The following TTN variants were observed in gnomAD, a reference collection of about 807,000 sequenced individuals.
The protein encoded by TTN is connectin.
TTN carries 1,525 observed loss-of-function variants against 3,223.0 expected under a neutral mutation model. The ratio of observed to expected loss-of-function variants is 0.47; its 90% CI spans 0.45 to 0.49. TTN has a LOEUF of 0.49. Among genes scored for constraint, TTN ranks in the 20% least tolerant of loss-of-function variants. TTN has a pLI of 0.00. For synonymous variants in TTN, 14,094 were observed against 15,161.0 expected (o/e 0.93, Z 5.17); for missense variants, 40,786 against 43,424.0 (o/e 0.94, Z 5.40).
chr2:178,718,448 T>C lies in TTN; in HGVS notation c.24658A>G (p.Thr8220Ala), dbSNP rs763026119. 2.5e-6 allele frequency: 4 copies of C among 1,613,800 alleles called. No homozygotes were observed. In the South Asian group the frequency reaches 4.4e-5, roughly 18 times the overall value. Residue 8220 changes from threonine (T) to alanine (A), a missense_variant, in exon 85 of 363, where the codon ACT (threonine) becomes GCT (alanine). Coordinates refer to ENST00000589042, the MANE Select transcript of TTN (RefSeq NM_001267550.2). ...AGTATGGTAGATTTTTCTGTCATAG[T>C]AATACTGCATCTCTCAGATTGTGAA... ...LISQSERCSI[T>A]MTEKSTILEI... is the part of the protein sequence containing the mutation.
In TTN at chr2:178,553,332, A is replaced by T; in HGVS notation, c.89568T>A (p.Asp29856Glu). 1 of 1,603,960 alleles carries T rather than the reference A, an allele frequency of 6.2e-7. No homozygotes were observed. Among genetic ancestry groups the T allele is most frequent in the Non-Finnish European group, 8.5e-7 (1 of 1,177,966 alleles). The stretch of plus-strand genomic sequence containing the variant: ...CTTTAAAGGGAATCAACACTTGTAC[A>T]TCTTCACCAGCTTTGGCAATAACAG... ...RTSVIAKAGE[D>E]VQVLIPFKGR... The change falls in exon 335 of 363, where the codon GAT (aspartate) becomes GAA (glutamate). Residue 29856 changes from aspartate (D) to glutamate (E), a missense_variant. Transcript: ENST00000589042.
rs1391423638 is a variant in TTN, at chr2:178,741,791, T to A, written c.11442A>T (p.Glu3814Asp). The A allele has an allele frequency of 1.9e-6, 3 of 1,613,306 alleles. No homozygotes were observed. The highest frequency in any genetic ancestry group is 2.5e-6 in the Non-Finnish European group (3 of 1,179,670). ...SPVYPTKFDS[E>D]KEGTGPIFIK... ...TGAAAATTGGGCCAGTGCCTTCCTT[T>A]TCGGAATCAAATTTAGTTGGGTAAA... Residue 3814 changes from glutamate (E) to aspartate (D), a missense_variant, in exon 48 of 363, where the codon GAA becomes GAT. Glu to Asp is a conservative substitution (Grantham distance 45). Transcript: ENST00000589042.
At chr2:178,737,548 C>T (rs1313469580) in intron 49 of TTN, 1 of 152,322 alleles carries the variant, frequency 6.6e-6, no homozygotes, top group Non-Finnish European at 1.5e-5. Flanking sequence ...GATCCGCCTG[C>T]CTTGGCCTCC....
chr2:178,609,825 G>A lies in TTN; in HGVS notation c.51598C>T (p.His17200Tyr), dbSNP rs2055879782. The A allele has an allele frequency of 1.2e-6, 2 of 1,612,796 alleles. No homozygotes were observed. Among genetic ancestry groups the A allele is most frequent in the Middle Eastern group, 1.6e-4 (1 of 6,076 alleles). ...GTATAGGTCAGGATTGGTACCAGGTGTTCATTGCATCTCTTCCACCTTTCT... is the reference window on the plus strand; with the variant it reads ...GTATAGGTCAGGATTGGTACCAGGTATTCATTGCATCTCTTCCACCTTTCT... ...GEERWKRCNE[H>Y]LVPILTYTAK... The change falls in exon 272 of 363, where the codon CAC becomes TAC. Residue 17200 changes from histidine (H) to tyrosine (Y), a missense_variant. By Grantham distance (83) the His-to-Tyr change is moderately conservative. Coordinates refer to ENST00000589042, the MANE Select transcript of TTN (RefSeq NM_001267550.2).
chr2:178,533,866 G>A lies in TTN; in HGVS notation c.102749C>T (p.Thr34250Ile). The A allele has an allele frequency of 6.2e-7, 1 of 1,613,886 alleles. No individual in the cohort carries two copies. Among genetic ancestry groups the A allele is most frequent in the Non-Finnish European group, 8.5e-7 (1 of 1,179,858 alleles). ...TMKKIKRRTD[T>I]MRLLERPPEF... ...TGGTGGCCTTTCCAGGAGTCTCATT[G>A]TGTCTGTTCTGCGCTTAATTTTCTT... The change falls in exon 358 of 363, where the codon ACA (threonine) becomes ATA (isoleucine). Residue 34250 changes from threonine to isoleucine, a missense_variant. Physicochemically the swap from Thr to Ile is moderately conservative, Grantham distance 89. Coordinates refer to ENST00000589042, the MANE Select transcript of TTN (RefSeq NM_001267550.2).
intron 250 of TTN, 171 bp downstream of exon 250, chr2:178,619,450 C>T: frequency 1.4e-6 from 1 of 719,906 alleles, no homozygotes; most frequent in Non-Finnish European, 2.2e-6. Context: ...TATTAATTTC[C>T]TCTTACTCAA....
At position 178,694,820 on chromosome 2, in the gene TTN, A is replaced by C. The variant is rs1163916390; in HGVS notation, c.31348+9T>G. 1.3e-6 allele frequency: 2 copies of C among 1,553,308 alleles called. No homozygotes were observed. On this transcript the variant is annotated intron_variant, in intron 116 of 362. Coordinates refer to ENST00000589042, the MANE Select transcript of TTN (RefSeq NM_001267550.2). ...TGTACATGGGTGCTAGGAATGTTTTAAATAATACCTTTGGTGACTTGAACT... is the reference window on the plus strand; with the variant it reads ...TGTACATGGGTGCTAGGAATGTTTTCAATAATACCTTTGGTGACTTGAACT...
At chr2:178,674,531 A>T (rs980913016) in intron 150 of TTN, 122 bp from the exon 151 acceptor site, 3 of 510,100 alleles carry the variant, frequency 5.9e-6, no homozygotes, top group African/African-American at 4.0e-5. Context: ...TAGTCCTTAA[A>T]AAATCTCTAC....
At position 178,573,280 on chromosome 2, in the gene TTN, C is replaced by A. The variant is rs374272187; in HGVS notation, c.72852G>T (p.Val24284=). The A allele has an allele frequency of 6.3e-7, 1 of 1,595,916 alleles. No homozygotes were observed. Among genetic ancestry groups the A allele is most frequent in the Non-Finnish European group, 8.5e-7 (1 of 1,171,284 alleles). The part of the protein sequence containing the change: ...KKTLTDLRYK[V]SGLTEGHEYE... ...ATTCATGTCCTTCTGTCAGTCCAGA[C>A]ACTTTATATCTTAAATCAGTAAGAG... Residue 24284 remains valine (V), a synonymous_variant, in exon 326 of 363, where the codon GTG becomes GTT. Coordinates refer to ENST00000589042, the MANE Select transcript of TTN (RefSeq NM_001267550.2).
At position 178,543,559 on chromosome 2, in the gene TTN, G is replaced by T. The variant is rs933403975; in HGVS notation, c.96414C>A (p.Asn32138Lys). ...CTTCACGCTTCTCAACGATGTAATT[G>T]TTGACTGGAGCTCCACCATCAATCG... ...IPTIDGGAPVNNYIVEKREAA... is the reference protein window; with the variant it reads ...IPTIDGGAPVKNYIVEKREAA... The change falls in exon 347 of 363, where the codon AAC becomes AAA. Residue 32138 changes from asparagine to lysine, a missense_variant. Physicochemically the swap from Asn to Lys is moderately conservative, Grantham distance 94. Transcript: ENST00000589042. The T allele has an allele frequency of 3.7e-6, 6 of 1,611,148 alleles. No homozygotes were observed. The highest frequency in any genetic ancestry group is 5.1e-6 in the Non-Finnish European group (6 of 1,179,722).
Position 178,577,624 on chromosome 2 carries a change from G to A in TTN, c.68802C>T (p.Thr22934=), listed in dbSNP as rs767646059. The change falls in exon 323 of 363, where the codon ACC becomes ACT. Residue 22934 remains threonine, a synonymous_variant. Coordinates refer to ENST00000589042, the MANE Select transcript of TTN (RefSeq NM_001267550.2). ...TACCGTATTCATCCTTGCAAATAAT[G>A]GTTTCTGTACTTTCTGATGGAGCAC... ...AISAPSESTE[T]IICKDEYEAP... The A allele has an allele frequency of 3.1e-6, 5 of 1,607,620 alleles. No individual in the cohort carries two copies. The Admixed American group carries it at 6.8e-5, about 22-fold the overall frequency.
In TTN at chr2:178,738,151, C is replaced by T. The variant is rs727503652; in HGVS notation, c.14302G>A (p.Gly4768Ser). 87 of 1,613,674 alleles carry T rather than the reference C, an allele frequency of 5.4e-5. No individual in the cohort carries two copies. The highest frequency in any genetic ancestry group is 8.9e-5 in the East Asian group (4 of 44,858). The change falls in exon 49 of 363, where the codon GGC (glycine) becomes AGC (serine). Residue 4768 changes from glycine (G) to serine (S), a missense_variant. Coordinates refer to ENST00000589042, the MANE Select transcript of TTN (RefSeq NM_001267550.2). ...TTGGAAGCTTTGCATGTATACTCGCCGCAGTCAACCACCTGGGTTCTCAGG... is the reference window on the plus strand; with the variant it reads ...TTGGAAGCTTTGCATGTATACTCGCTGCAGTCAACCACCTGGGTTCTCAGG... ...EILRTQVVDC[G>S]EYTCKASNEY...
chr2:178,769,579 A>G, intron 37 of TTN, 100 bp downstream of exon 37: 1 of 1,065,224 alleles, frequency 9.4e-7, no homozygotes, highest in Non-Finnish European at 1.2e-6. Context: ...AGGATTTTTG[A>G]GTGGTCAGCA....
chr2:178,666,702 G>T (rs1410446374), intron 163 of TTN, 122 bp downstream of exon 163: 9 of 747,206 alleles, frequency 1.2e-5, no homozygotes, highest in Non-Finnish European at 1.8e-5. Context: ...CTACTTGGGG[G>T]ATCCATCTCT....
Position 178,672,675 on chromosome 2 carries a change from T to A in TTN, c.34815A>T (p.Val11605=). 1 of 1,608,990 alleles carries A rather than the reference T, an allele frequency of 6.2e-7. No individual in the cohort carries two copies. Among genetic ancestry groups the A allele is most frequent in the Non-Finnish European group, 8.5e-7 (1 of 1,177,212 alleles). Reference sequence around the variant, plus strand: ...CCTCTTTTTTCTGAACAGGAACAGGTACTTTTTCCTCAGGAATTTTCTTTG... The same window carrying A: ...CCTCTTTTTTCTGAACAGGAACAGGAACTTTTTCCTCAGGAATTTTCTTTG... The part of the protein sequence containing the change: ...KVSKKIPEEK[V]PVPVQKKEAP... The change falls in exon 153 of 363, where the codon GTA becomes GTT. Residue 11605 remains valine (V), a synonymous_variant. Coordinates refer to ENST00000589042, the MANE Select transcript of TTN (RefSeq NM_001267550.2).
intron 273 of TTN, 65 bp downstream of exon 273, chr2:178,609,143 A>G: frequency 4.2e-6 from 6 of 1,427,988 alleles, no homozygotes; most frequent in Non-Finnish European, 3.6e-6. Context: ...CTCTCTCCCA[A>G]ACTTTTTATT....
Position 178,571,749 on chromosome 2 carries a change from C to T in TTN, c.74383G>A (p.Gly24795Ser). The T allele has an allele frequency of 6.2e-7, 1 of 1,613,410 alleles. No homozygotes were observed. The highest frequency in any genetic ancestry group is 1.3e-5 in the African/African-American group (1 of 75,006). The stretch of plus-strand genomic sequence containing the variant: ...ACATTAAGGGTTTCAATAGCTTCAC[C>T]AGCTGAGTTAGTCAGTTTAACCACA... ...HYVVKLTNSA[G>S]EAIETLNVIV... Residue 24795 changes from glycine to serine, a missense_variant, in exon 326 of 363, where the codon GGT becomes AGT. By Grantham distance (56) the Gly-to-Ser change is moderately conservative. Transcript: ENST00000589042.
In TTN at chr2:178,770,619, C is replaced by T; in HGVS notation, c.8173G>A (p.Val2725Ile). Residue 2725 changes from valine (V) to isoleucine (I), a missense_variant, in exon 35 of 363, where the codon GTT becomes ATT. Coordinates refer to ENST00000589042, the MANE Select transcript of TTN (RefSeq NM_001267550.2). Reference sequence around the variant, plus strand: ...GGGTGTGTAAGCTCGACAGTGAAAACAGCATCCTGTGTTTCTGTCACTGTG... The same window carrying T: ...GGGTGTGTAAGCTCGACAGTGAAAATAGCATCCTGTGTTTCTGTCACTGTG... ...NLTVTETQDA[V>I]FTVELTHPNV... The T allele has an allele frequency of 2.5e-6, 4 of 1,614,064 alleles. No homozygotes were observed. The highest frequency in any genetic ancestry group is 1.3e-5 in the African/African-American group (1 of 75,050).
intron 112 of TTN, 96 bp from the exon 113 acceptor site, chr2:178,697,264 G>A: frequency 9.8e-7 from 1 of 1,023,482 alleles, no homozygotes; most frequent in Non-Finnish European, 1.4e-6. Context: ...TTGTTTGTAG[G>A]AGCTATGACT....
Sources: gnomAD v4.1 joint callset for allele counts on GRCh38, gnomAD v4.1.1 for gene constraint, MANE v1.5 for transcripts, NCBI Gene and HGNC (gene_info 2026-07-23, HGNC 2026-07-21) for gene names.